The following NARS2 variants were observed in gnomAD, a reference collection of about 807,000 sequenced individuals.
NARS2 encodes the protein asparaginyl-tRNA synthetase.
NARS2 carries 60 observed loss-of-function variants against 62.9 expected under a neutral mutation model. The ratio of observed to expected loss-of-function variants is 0.95; its 90% CI spans 0.77 to 1.18. NARS2 has a LOEUF of 1.18. NARS2 is among the 50% of genes most tolerant of loss of function. The pLI is 0.00. For missense variants in NARS2, 619 were observed against 576.4 expected, an observed-to-expected ratio of 1.07 and a Z score of -0.76; for synonymous variants, 196 against 200.0, an observed-to-expected ratio of 0.98 and a Z score of 0.17.
intron 4 of NARS2, among the ~76,000 whole-genome samples, chr11:78,565,380 A>G (rs569084747): frequency 1.3e-5 from 2 of 152,322 alleles, no homozygotes; most frequent in African/African-American, 2.4e-5. Flanking sequence ...TCATGAAACA[A>G]TAGTTTTCAA....
At chr11:78,565,407 A>C (rs1276819338) in intron 4 of NARS2, among the ~76,000 whole-genome samples, 1 of 152,186 alleles carries the variant, frequency 6.6e-6, no homozygotes, top group Non-Finnish European at 1.5e-5. Flanking sequence ...AACAAAAGCC[A>C]TCTCTCTCTG....
At chr11:78,538,994 C>CAAAAAAAAAAA (rs59917269) in intron 5 of NARS2, among the ~76,000 whole-genome samples, 8 of 49,794 alleles carry the variant, frequency 1.6e-4, no homozygotes, top group African/African-American at 4.5e-4. Flanking sequence ...GAATCCGTCT[C>CAAAAAAAAAAA]AAAAAAAAAA....
chr11:78,484,653 T>C (rs1469991712), intron 7 of NARS2, among the ~76,000 whole-genome samples: 1 of 152,176 alleles, frequency 6.6e-6, no homozygotes, highest in Non-Finnish European at 1.5e-5. Flanking sequence ...TCACTGGTCA[T>C]TAGAAAAATG....
chr11:78,450,666 CTTTTTTTTTTTT>C (rs781420225), intron 11 of NARS2, among the ~76,000 whole-genome samples: 4 of 101,582 alleles, frequency 3.9e-5, no homozygotes, highest in Admixed American at 1.1e-4. Context: ...AAAGCCTTGT[CTTTTTTTTTTTT>C]TTTTTTTTTT....
intron 10 of NARS2, among the ~76,000 whole-genome samples, chr11:78,467,826 T>C (rs528138497): frequency 6.6e-6 from 1 of 152,074 alleles, no homozygotes; most frequent in Non-Finnish European, 1.5e-5. Flanking sequence ...TCATGTCGTA[T>C]ACCCTGAATA....
intron 5 of NARS2, among the ~76,000 whole-genome samples, chr11:78,556,139 A>C (rs1283109528): frequency 6.6e-6 from 1 of 151,962 alleles, no homozygotes; most frequent in African/African-American, 2.4e-5. Context: ...AGACAAGAAG[A>C]ATGTATATTG....
intron 6 of NARS2, among the ~76,000 whole-genome samples, chr11:78,522,589 T>C (rs1292913288): frequency 3.3e-5 from 5 of 152,188 alleles, no homozygotes; most frequent in Admixed American, 6.5e-5. Flanking sequence ...GAAGCAAGTA[T>C]TTTATAAAGG....
intron 6 of NARS2, among the ~76,000 whole-genome samples, chr11:78,528,100 G>A (rs1861354146): frequency 6.6e-6 from 1 of 152,226 alleles, no homozygotes; most frequent in South Asian, 2.1e-4. Context: ...GCCAGGTTTG[G>A]TGGTATATAC....
At chr11:78,527,923 A>G (rs574911287) in intron 6 of NARS2, among the ~76,000 whole-genome samples, 1 of 152,294 alleles carries the variant, frequency 6.6e-6, no homozygotes, top group African/African-American at 2.4e-5. Context: ...AGCCTAGGAC[A>G]CATGGTGAGA....
chr11:78,492,466 T>C (rs1859865142), intron 7 of NARS2, among the ~76,000 whole-genome samples: 1 of 152,158 alleles, frequency 6.6e-6, no homozygotes, highest in African/African-American at 2.4e-5. Flanking sequence ...GCTCCTTAAA[T>C]TTTGGGTAAA....
At chr11:78,519,570 T>TA (rs1298267142) in intron 6 of NARS2, among the ~76,000 whole-genome samples, 8 of 152,302 alleles carry the variant, frequency 5.3e-5, no homozygotes, top group Non-Finnish European at 1.0e-4. Context: ...AACCACTTCT[T>TA]AAAAAACAGC....
intron 7 of NARS2, among the ~76,000 whole-genome samples, chr11:78,492,559 C>A (rs750886251): frequency 3.3e-5 from 5 of 152,110 alleles, no homozygotes; most frequent in Non-Finnish European, 5.9e-5. Flanking sequence ...CAGCCTTGTC[C>A]CCTGCTCAAC....
intron 6 of NARS2, among the ~76,000 whole-genome samples, chr11:78,517,052 A>G (rs1435822112): frequency 2.6e-5 from 4 of 152,354 alleles, no homozygotes; most frequent in Non-Finnish European, 4.4e-5. Flanking sequence ...AGGCATGGCG[A>G]AAGCAAATTC....
At chr11:78,481,419 T>C (rs1203206297) in intron 7 of NARS2, among the ~76,000 whole-genome samples, 2 of 152,162 alleles carry the variant, frequency 1.3e-5, no homozygotes, top group African/African-American at 2.4e-5. Flanking sequence ...TAAACAAAGC[T>C]AATACACATT....
intron 13 of NARS2, among the ~76,000 whole-genome samples, chr11:78,440,158 G>A (rs1238087049): frequency 6.6e-6 from 1 of 152,186 alleles, no homozygotes; most frequent in Non-Finnish European, 1.5e-5. Context: ...CCGCCTCCCA[G>A]GTTCAAGCAA....
intron 5 of NARS2, among the ~76,000 whole-genome samples, chr11:78,554,852 A>AG: frequency 6.6e-6 from 1 of 152,186 alleles, no homozygotes; most frequent in Non-Finnish European, 1.5e-5. Context: ...CTGGTTTCCA[A>AG]GGGGAATGCT....
At chr11:78,569,167 C>T (rs1487050430) in intron 2 of NARS2, among the ~76,000 whole-genome samples, 2 of 152,118 alleles carry the variant, frequency 1.3e-5, no homozygotes, top group Non-Finnish European at 2.9e-5. Flanking sequence ...GATCTAAGCA[C>T]ATAAGGTGCT....
At chr11:78,566,318 G>A (rs75367353) in intron 3 of NARS2, 46 bp from the exon 4 acceptor site, 1 of 1,483,124 alleles carries the variant, frequency 6.7e-7, no homozygotes, top group Admixed American at 2.1e-5. Context: ...AAGAGATACT[G>A]TTTAATAAAA....
chr11:78,526,002 G>A (rs1451513445), intron 6 of NARS2, among the ~76,000 whole-genome samples: 1 of 152,118 alleles, frequency 6.6e-6, no homozygotes, highest in African/African-American at 2.4e-5. Context: ...TAGAATGGAA[G>A]AGACTGGGGA....
Sources: gnomAD v4.1 joint callset for allele counts (sites outside exome capture counted in the v4.1 genomes callset) on GRCh38, gnomAD v4.1.1 for gene constraint, MANE v1.5 for transcripts, NCBI Gene and HGNC (gene_info 2026-07-23, HGNC 2026-07-21) for gene names.